The following C2orf76 variants were observed in gnomAD, a reference collection of about 807,000 sequenced individuals.
C2orf76 encodes the protein UPF0538 protein C2orf76.
In C2orf76, 23 loss-of-function variants were observed where a neutral mutation model predicts 16.9. The observed-to-expected ratio is 1.36, with a 90% confidence interval of 0.98 to 1.93. C2orf76 has a LOEUF of 1.93. Among genes scored for constraint, C2orf76 ranks in the 30% most tolerant of loss-of-function variants. The pLI is 0.00. For synonymous variants in C2orf76, 48 were observed against 52.3 expected (o/e 0.92, Z 0.35); for missense variants, 152 against 152.6 (o/e 1.00, Z 0.02).
chr2:119,296,915 T>C, the C2orf76 span, among the ~76,000 whole-genome samples: 1 of 152,206 alleles, frequency 6.6e-6, no homozygotes, highest in African/African-American at 2.4e-5. Context: ...CCAACTCCCT[T>C]TGTTTTCAAA....
intron 1 of C2orf76, among the ~76,000 whole-genome samples, chr2:119,351,491 C>CTT (rs1276737370): frequency 6.6e-6 from 1 of 152,118 alleles, no homozygotes; most frequent in Non-Finnish European, 1.5e-5. Flanking sequence ...TGGCTCACAC[C>CTT]TGTAATACCA....
At chr2:119,320,509 C>G (rs1241709802) in intron 3 of C2orf76, among the ~76,000 whole-genome samples, 1 of 152,070 alleles carries the variant, frequency 6.6e-6, no homozygotes, top group African/African-American at 2.4e-5. Context: ...AATGCATACA[C>G]ACGGCGAAGA....
intron 1 of C2orf76, among the ~76,000 whole-genome samples, chr2:119,358,070 A>G (rs760249309): frequency 6.6e-6 from 1 of 152,208 alleles, no homozygotes; most frequent in Non-Finnish European, 1.5e-5. Context: ...TAGGCCAATT[A>G]ATAACACTGC....
the C2orf76 span, among the ~76,000 whole-genome samples, chr2:119,291,691 C>G: frequency 6.6e-6 from 1 of 151,972 alleles, no homozygotes. Flanking sequence ...AGCCGGACAC[C>G]CCTGCCTTGT....
chr2:119,310,627 A>G (rs1678952935), intron 5 of C2orf76, among the ~76,000 whole-genome samples: 1 of 152,172 alleles, frequency 6.6e-6, no homozygotes, highest in African/African-American at 2.4e-5. Flanking sequence ...AATTATGAAC[A>G]ATGTGAGGCC....
chr2:119,340,267 G>C, intron 1 of C2orf76: 1 of 276,188 alleles, frequency 3.6e-6, no homozygotes. Flanking sequence ...GCATGTGTAC[G>C]TGTGGAAACA....
chr2:119,294,910 A>T, the C2orf76 span, among the ~76,000 whole-genome samples: 1 of 152,106 alleles, frequency 6.6e-6, no homozygotes, highest in Non-Finnish European at 1.5e-5. Flanking sequence ...ATTGATGAGA[A>T]GGCATAGAGG....
At chr2:119,308,502 A>G (rs550991432) in intron 5 of C2orf76, among the ~76,000 whole-genome samples, 9 of 152,248 alleles carry the variant, frequency 5.9e-5, no homozygotes, top group African/African-American at 2.2e-4. Flanking sequence ...TTAGCTGGGC[A>G]TGGTGGTGCA....
At chr2:119,309,990 G>T (rs2104543722) in intron 5 of C2orf76, among the ~76,000 whole-genome samples, 1 of 152,292 alleles carries the variant, frequency 6.6e-6, no homozygotes, top group East Asian at 1.9e-4. Context: ...TAAAAACAGA[G>T]ATGAGATACG....
chr2:119,365,536 C>G (rs186116617), intron 1 of C2orf76, among the ~76,000 whole-genome samples: 148 of 152,320 alleles, frequency 9.7e-4, no homozygotes, highest in African/African-American at 3.3e-3. Context: ...CAAGTTAAGT[C>G]TGAAAGCGTC....
intron 1 of C2orf76, among the ~76,000 whole-genome samples, chr2:119,361,004 AG>A (rs1680727772): frequency 6.6e-6 from 1 of 152,230 alleles, no homozygotes; most frequent in Non-Finnish European, 1.5e-5. Context: ...TGTGGCCACA[AG>A]GCAGTATTAG....
chr2:119,366,973 T>C, upstream of C2orf76: 1 of 1,593,538 alleles, frequency 6.3e-7, no homozygotes, highest in African/African-American at 1.3e-5. Context: ...TAAAGGCGCT[T>C]GCCAGTGCAA....
the C2orf76 span, among the ~76,000 whole-genome samples, chr2:119,288,505 C>T: frequency 1.3e-5 from 2 of 152,130 alleles, no homozygotes; most frequent in East Asian, 1.9e-4. Context: ...TATTCATTTA[C>T]ATCATCTCCT....
intron 5 of C2orf76, among the ~76,000 whole-genome samples, chr2:119,305,389 A>C (rs1163526443): frequency 2.0e-5 from 3 of 152,236 alleles, no homozygotes; most frequent in African/African-American, 7.2e-5. Context: ...ATAAAATCCC[A>C]AGAAAAATTA....
intron 3 of C2orf76, among the ~76,000 whole-genome samples, chr2:119,319,842 T>A (rs529617834): frequency 2.2e-4 from 33 of 152,190 alleles, no homozygotes; most frequent in African/African-American, 7.7e-4. Flanking sequence ...CCGCAGACCG[T>A]GAGGTGGCAG....
the C2orf76 span, among the ~76,000 whole-genome samples, chr2:119,284,551 C>T: frequency 6.6e-5 from 10 of 152,086 alleles, no homozygotes; most frequent in Non-Finnish European, 1.3e-4. Flanking sequence ...GCATACATTA[C>T]CAAATTACCT....
At chr2:119,311,320 G>A in intron 5 of C2orf76, 2 of 985,436 alleles carry the variant, frequency 2.0e-6, no homozygotes, top group Non-Finnish European at 2.4e-6. Context: ...ACAATGATAA[G>A]AGTAAGTAGA....
At chr2:119,283,048 G>A in the C2orf76 span, among the ~76,000 whole-genome samples, 2 of 152,214 alleles carry the variant, frequency 1.3e-5, no homozygotes, top group East Asian at 3.8e-4. Context: ...CTGCGGGGAT[G>A]TCATGAATAA....
intron 1 of C2orf76, among the ~76,000 whole-genome samples, chr2:119,356,739 T>C (rs1318914842): frequency 6.6e-6 from 1 of 150,720 alleles, no homozygotes; most frequent in Non-Finnish European, 1.5e-5. Flanking sequence ...TAAACACTGA[T>C]GAATCTTGAG....
Sources: gnomAD v4.1 joint callset for allele counts (sites outside exome capture counted in the v4.1 genomes callset) on GRCh38, gnomAD v4.1.1 for gene constraint, MANE v1.5 for transcripts, NCBI Gene and HGNC (gene_info 2026-07-23, HGNC 2026-07-21) for gene names.